IQCH: variants seen among roughly 807,000 people sequenced by gnomAD.
IQCH encodes the protein IQ motif containing H.
A neutral mutation model predicts 117.0 loss-of-function variants in IQCH; 98 were observed. The observed-to-expected ratio is 0.84, with a 90% CI of 0.71 to 0.99. The LOEUF is 0.99. IQCH is among the 50% of genes least tolerant of loss of function. The pLI, the probability that IQCH is intolerant of heterozygous loss-of-function variation, is 0.00. For missense variants in IQCH, 1,102 were observed against 1,243.8 expected (o/e 0.89, Z 1.72); for synonymous variants, 412 against 448.2 (o/e 0.92, Z 1.02).
chr15:67,289,330 C>A (rs1053052716), intron 4 of IQCH, among the ~76,000 whole-genome samples: 14 of 151,968 alleles, frequency 9.2e-5, no homozygotes, highest in Admixed American at 3.3e-4. Flanking sequence ...ACTTCATCAA[C>A]CAATTTGTGG....
chr15:67,273,390 A>T (rs937091657), intron 3 of IQCH, among the ~76,000 whole-genome samples: 35 of 152,108 alleles, frequency 2.3e-4, no homozygotes, highest in African/African-American at 8.2e-4. Flanking sequence ...TGCCCAGCCC[A>T]TTGCTTTTTA....
chr15:67,473,884 A>AG lies in IQCH; in HGVS notation c.2677-1811dup, dbSNP rs1219876215. On this transcript the variant is annotated intron_variant, in intron 17 of 20. Coordinates refer to ENST00000335894, the MANE Select transcript of IQCH (RefSeq NM_001031715.3). The surrounding 1 kb of genome is among the most constrained non-coding windows in gnomAD (Gnocchi z 4.9). ...TGGGGTAAACAACTCAAGATGTATT[A>AG]GCCTGTGGGGGCCTAACTCGTCTGT... Among the ~76,000 whole-genome samples the AG allele has an allele frequency of 3.3e-5, 5 of 152,188 alleles. No individual in the cohort carries two copies. The highest frequency in any genetic ancestry group is 7.2e-5 in the African/African-American group (3 of 41,458).
intron 18 of IQCH, among the ~76,000 whole-genome samples, chr15:67,487,341 CAACAA>C (rs2083512895): frequency 6.6e-6 from 1 of 151,248 alleles, no homozygotes; most frequent in Non-Finnish European, 1.5e-5. Context: ...TCAAAAACAA[CAACAA>C]AAAAAGAATG....
At chr15:67,400,363 C>G in intron 14 of IQCH, 58 bp downstream of exon 14, 1 of 1,292,430 alleles carries the variant, frequency 7.7e-7, no homozygotes, top group South Asian at 1.3e-5. Context: ...GGGGACGAAG[C>G]AAAAAGTTCA....
chr15:67,326,133 C>T (rs1296507954), intron 4 of IQCH, among the ~76,000 whole-genome samples: 1 of 152,096 alleles, frequency 6.6e-6, no homozygotes, highest in Non-Finnish European at 1.5e-5. Context: ...CACCCCACAA[C>T]AGGCCCTGGT....
chr15:67,269,433 A>G (rs1165607372), intron 3 of IQCH, among the ~76,000 whole-genome samples: 2 of 152,210 alleles, frequency 1.3e-5, no homozygotes, highest in African/African-American at 4.8e-5. Context: ...TGTAAAGATC[A>G]AATCAAGGTA....
chr15:67,258,760 A>G (rs1965338643), intron 1 of IQCH, among the ~76,000 whole-genome samples: 1 of 152,198 alleles, frequency 6.6e-6, no homozygotes, highest in Admixed American at 6.5e-5. Flanking sequence ...TCTTTCTCCA[A>G]GTAGAAAATT....
At chr15:67,302,318 A>T (rs1967085251) in intron 4 of IQCH, among the ~76,000 whole-genome samples, 2 of 152,196 alleles carry the variant, frequency 1.3e-5, no homozygotes, top group Non-Finnish European at 2.9e-5. Context: ...AAGTTTAAGA[A>T]GGAAAAAATT....
In IQCH at chr15:67,467,873, C is replaced by T. The variant is rs2082974107; in HGVS notation, c.2676+2576C>T. On this transcript the variant is annotated intron_variant, in intron 17 of 20. Transcript: ENST00000335894. The surrounding 1 kb of genome is among the most constrained non-coding windows in gnomAD (Gnocchi z 5.7). ...CCTATAAAATGCTTCCAGTGTGGGC[C>T]CTTTTCTTTAATAATATGCTATATA... Among the ~76,000 whole-genome samples, 1 of 152,112 alleles carries T rather than the reference C, an allele frequency of 6.6e-6. No homozygotes were observed. Among genetic ancestry groups the T allele is most frequent in the Non-Finnish European group, 1.5e-5 (1 of 68,032 alleles).
Position 67,453,950 on chromosome 15 carries a change from T to A in IQCH, c.2506-11177T>A, listed in dbSNP as rs1438202422. Among the ~76,000 whole-genome samples, 1 of 152,150 alleles carries A rather than the reference T, an allele frequency of 6.6e-6. No individual in the cohort carries two copies. The highest frequency in any genetic ancestry group is 1.5e-5 in the Non-Finnish European group (1 of 68,020). On this transcript the variant is annotated intron_variant, in intron 16 of 20. Transcript: ENST00000335894. The surrounding 1 kb of genome is among the most constrained non-coding windows in gnomAD (Gnocchi z 5.8). ...AATGGCGGGCACCCCTCCCCCAGCCTCGCTGCCGCCTTGCAGTTCGATCTG... is the reference window on the plus strand; with the variant it reads ...AATGGCGGGCACCCCTCCCCCAGCCACGCTGCCGCCTTGCAGTTCGATCTG...
At chr15:67,480,809 T>C (rs1346990248) in intron 18 of IQCH, among the ~76,000 whole-genome samples, 1 of 152,158 alleles carries the variant, frequency 6.6e-6, no homozygotes, top group Admixed American at 6.5e-5. Flanking sequence ...ATACCTAATG[T>C]ACCTACAGCT....
At position 67,458,640 on chromosome 15, in the gene IQCH, G is replaced by A. The variant is rs556774676; in HGVS notation, c.2506-6487G>A. On this transcript the variant is annotated intron_variant, in intron 16 of 20. Coordinates refer to ENST00000335894, the MANE Select transcript of IQCH (RefSeq NM_001031715.3). The surrounding 1 kb of genome is among the most constrained non-coding windows in gnomAD (Gnocchi z 4.1). ...CTTGGCTCTGTACCTAGCCAAACCA[G>A]TAAAACAGAGGGAACCATGGCCTAC... is the stretch of plus-strand genomic sequence containing the variant. 3.9e-4 allele frequency among the ~76,000 whole-genome samples: 60 copies of A among 152,332 alleles called. 1 individual carries two copies. The Middle Eastern group carries it at 0.01, about 26-fold the overall frequency.
At chr15:67,314,208 T>C (rs1377173859) in intron 4 of IQCH, among the ~76,000 whole-genome samples, 2 of 152,112 alleles carry the variant, frequency 1.3e-5, no homozygotes, top group African/African-American at 4.8e-5. Flanking sequence ...GCAGGACTTG[T>C]TGGGCAAGAG....
At chr15:67,267,251 G>GTA (rs1360998165) in intron 3 of IQCH, among the ~76,000 whole-genome samples, 1 of 152,156 alleles carries the variant, frequency 6.6e-6, no homozygotes, top group East Asian at 1.9e-4. Flanking sequence ...ATCATCTTAT[G>GTA]TGTCACCTGG....
rs2083117903 is a variant in IQCH at position 67,473,260 on chromosome 15, G to A, written c.2677-2436G>A. ...AAAGCCCATGCTTCTGGGCTTTTCAGTGTGAAGGTGAGAGCATGGCCAGCC... is the reference window on the plus strand; with the variant it reads ...AAAGCCCATGCTTCTGGGCTTTTCAATGTGAAGGTGAGAGCATGGCCAGCC... On this transcript the variant is annotated intron_variant, in intron 17 of 20. Transcript: ENST00000335894. This position sits in a 1 kb window ranked among gnomAD's most constrained non-coding sequence, Gnocchi z 4.9. 6.6e-6 allele frequency among the ~76,000 whole-genome samples: 1 copy of A among 152,354 alleles called. No individual in the cohort carries two copies. Among genetic ancestry groups the A allele is most frequent in the African/African-American group, 2.4e-5 (1 of 41,584 alleles).
intron 14 of IQCH, among the ~76,000 whole-genome samples, chr15:67,410,573 G>C (rs546383552): frequency 4.5e-4 from 69 of 152,308 alleles, no homozygotes; most frequent in Middle Eastern, 3.4e-3. Context: ...TGGTCTAATT[G>C]GGTCATTTGC....
intron 17 of IQCH, among the ~76,000 whole-genome samples, chr15:67,469,698 C>A (rs1453703480): frequency 1.3e-5 from 2 of 152,232 alleles, no homozygotes; most frequent in Non-Finnish European, 2.9e-5. Flanking sequence ...CCAAAGGACA[C>A]AGAGCCTTTA....
intron 4 of IQCH, among the ~76,000 whole-genome samples, chr15:67,290,317 A>C (rs564121373): frequency 1.3e-5 from 2 of 152,210 alleles, no homozygotes; most frequent in East Asian, 3.9e-4. Flanking sequence ...TTATATCATA[A>C]TTTCTGCATC....
chr15:67,393,753 G>T lies in IQCH; in HGVS notation c.1633-1538G>T, dbSNP rs1025119826. Among the ~76,000 whole-genome samples, 2 of 152,060 alleles carry T rather than the reference G, an allele frequency of 1.3e-5. No homozygotes were observed. The highest frequency in any genetic ancestry group is 2.9e-5 in the Non-Finnish European group (2 of 68,020). On this transcript the variant is annotated intron_variant, in intron 12 of 20. Coordinates refer to ENST00000335894, the MANE Select transcript of IQCH (RefSeq NM_001031715.3). The surrounding 1 kb of genome is among the most constrained non-coding windows in gnomAD (Gnocchi z 5.5). ...TGGTCTGAAAGTCCTGGGCTCAAGT[G>T]ATCTGCCTGCCATGGCCTCCCCTAA...
Sources: gnomAD v4.1 joint callset for allele counts (sites outside exome capture counted in the v4.1 genomes callset) on GRCh38, gnomAD v4.1.1 for gene constraint, Gnocchi (gnomAD v3.1) non-coding constraint, MANE v1.5 for transcripts, NCBI Gene and HGNC (gene_info 2026-07-23, HGNC 2026-07-21) for gene names.